PTPRQ: variants seen among roughly 807,000 people sequenced by gnomAD.
PTPRQ encodes protein tyrosine phosphatase receptor type Q.
Under a neutral mutation model 246.0 loss-of-function variants are expected in PTPRQ, and 199 were observed. The ratio of observed to expected loss-of-function variants is 0.81; its 90% CI spans 0.72 to 0.91. The LOEUF (loss-of-function observed/expected upper bound fraction) is 0.91. Ranked by LOEUF, PTPRQ falls within the 40% of genes least tolerant of loss-of-function variation. The pLI is 0.00. For synonymous variants in PTPRQ, 869 were observed against 853.2 expected, an observed-to-expected ratio of 1.02 and a Z score of -0.32; for missense variants, 2,624 against 2,528.4, an observed-to-expected ratio of 1.04 and a Z score of -0.81.
At chr12:80,507,381 T>C (rs1415367695) in intron 16 of PTPRQ, among the ~76,000 whole-genome samples, 3 of 152,020 alleles carry the variant, frequency 2.0e-5, no homozygotes, top group Non-Finnish European at 4.4e-5. Flanking sequence ...AAGGAATTCC[T>C]ATTTCCAAGA....
At chr12:80,604,502 A>C (rs541282127) in intron 26 of PTPRQ, among the ~76,000 whole-genome samples, 89 of 151,788 alleles carry the variant, frequency 5.9e-4, no homozygotes, top group African/African-American at 2.1e-3. Context: ...GAATTCAAGA[A>C]ATATTTGAAG....
chr12:80,492,210 C>T (rs560523658), intron 9 of PTPRQ, among the ~76,000 whole-genome samples: 129 of 151,976 alleles, frequency 8.5e-4, no homozygotes, highest in African/African-American at 2.9e-3. Flanking sequence ...AAATAAATTC[C>T]AGACTTAACA....
chr12:80,620,300 G>A lies in PTPRQ; in HGVS notation c.5536G>A (p.Ala1846Thr). ...CAATGAAGAAATCTACATCATAGGT[G>A]CTGATAATGCATGCATGATTCCTGG... Reference protein sequence around the residue: ...SGNEEIYIIGADNACMIPGNE... With the variant: ...SGNEEIYIIGTDNACMIPGNE... Residue 1846 changes from alanine to threonine, a missense_variant, in exon 32 of 45, where the codon GCT (alanine) becomes ACT (threonine). Coordinates refer to ENST00000644991, the MANE Select transcript of PTPRQ (RefSeq NM_001145026.2). 1 of 1,549,524 alleles carries A rather than the reference G, an allele frequency of 6.5e-7. No homozygotes were observed. Among genetic ancestry groups the A allele is most frequent in the South Asian group, 1.2e-5 (1 of 84,004 alleles).
intron 24 of PTPRQ, among the ~76,000 whole-genome samples, chr12:80,548,131 T>C (rs898628600): frequency 2.0e-5 from 3 of 152,128 alleles, no homozygotes; most frequent in Admixed American, 1.3e-4. Context: ...AAGTGCTCTG[T>C]AAACCCATAA....
chr12:80,458,505 G>T (rs1037029402), intron 4 of PTPRQ, among the ~76,000 whole-genome samples: 7 of 151,478 alleles, frequency 4.6e-5, no homozygotes, highest in African/African-American at 1.7e-4. Context: ...TAGTTATTTG[G>T]CATCTTAATA....
chr12:80,588,113 T>C lies in PTPRQ; in HGVS notation c.4286-16T>C, dbSNP rs1273958198. On this transcript the variant is annotated splice_polypyrimidine_tract_variant and intron_variant, in intron 25 of 44. Coordinates refer to ENST00000644991, the MANE Select transcript of PTPRQ (RefSeq NM_001145026.2). ...GGTAATTGTAACTGCTTTTAATTTT[T>C]CCCTTTAATTTTTAGTTCCCAGTGT... 18 of 1,498,332 alleles carry C rather than the reference T, an allele frequency of 1.2e-5. No individual in the cohort carries two copies. The East Asian group carries it at 4.2e-4, about 35-fold the overall frequency. 92.8% of individuals were successfully genotyped at this position (1,498,332 alleles called of 1,614,324 possible). A position where few individuals can be genotyped will look rare whatever the true frequency, so the allele number is the denominator to read the frequency against.
intron 25 of PTPRQ, among the ~76,000 whole-genome samples, chr12:80,554,806 T>C (rs998769008): frequency 5.9e-5 from 9 of 152,112 alleles, no homozygotes; most frequent in African/African-American, 1.4e-4. Flanking sequence ...GCAGTGGCTT[T>C]ATCTCAGCTC....
chr12:80,632,851 T>C (rs1297186240), intron 34 of PTPRQ, among the ~76,000 whole-genome samples: 1 of 152,142 alleles, frequency 6.6e-6, no homozygotes, highest in Non-Finnish European at 1.5e-5. Flanking sequence ...ATCCCATTCT[T>C]GCTGAATGGT....
intron 23 of PTPRQ, among the ~76,000 whole-genome samples, chr12:80,545,221 C>T (rs1191519016): frequency 2.0e-5 from 3 of 152,008 alleles, no homozygotes; most frequent in African/African-American, 7.2e-5. Flanking sequence ...AGGGACCATG[C>T]CTTACATGTG....
chr12:80,444,932 A>C, intron 2 of PTPRQ, 83 bp downstream of exon 2: 1 of 1,365,800 alleles, frequency 7.3e-7, no homozygotes, highest in South Asian at 1.3e-5. Context: ...TTATACTGGC[A>C]ACATGTACAT....
Position 80,619,552 on chromosome 12 carries a change from CAT to C in PTPRQ, c.5389+11_5389+12del. 2 of 1,506,776 alleles carry C rather than the reference CAT, an allele frequency of 1.3e-6. No homozygotes were observed. The highest frequency in any genetic ancestry group is 1.8e-6 in the Non-Finnish European group (2 of 1,122,296). The allele number at this position is 1,506,776 out of a possible 1,614,324, so 93.3% of individuals were successfully genotyped here. ...GTGACAGAAACAGGAGGTATCATCACATGTCAATTTATCTTGTTAAATTGTGG... is the reference window on the plus strand; with the variant it reads ...GTGACAGAAACAGGAGGTATCATCACGTCAATTTATCTTGTTAAATTGTGG... On this transcript the variant is annotated intron_variant, in intron 31 of 44. Coordinates refer to ENST00000644991, the MANE Select transcript of PTPRQ (RefSeq NM_001145026.2).
chr12:80,621,292 A>G (rs1328688697), intron 32 of PTPRQ, among the ~76,000 whole-genome samples: 2 of 151,966 alleles, frequency 1.3e-5, no homozygotes, highest in African/African-American at 4.8e-5. Flanking sequence ...ACCAAGTATC[A>G]TGTTTATTCA....
chr12:80,571,021 GC>G (rs1169097578), intron 25 of PTPRQ, among the ~76,000 whole-genome samples: 3 of 152,184 alleles, frequency 2.0e-5, no homozygotes, highest in Non-Finnish European at 2.9e-5. Context: ...GTACCATGAT[GC>G]CTCCAGCTTT....
intron 6 of PTPRQ, among the ~76,000 whole-genome samples, chr12:80,466,077 C>A (rs1396401981): frequency 1.3e-5 from 2 of 152,152 alleles, no homozygotes; most frequent in African/African-American, 4.8e-5. Context: ...TCCCTGTTTG[C>A]AGACGACATG....
At chr12:80,491,983 T>A (rs1298226409) in intron 9 of PTPRQ, among the ~76,000 whole-genome samples, 3 of 151,576 alleles carry the variant, frequency 2.0e-5, no homozygotes, top group Admixed American at 2.0e-4. Flanking sequence ...AGAATTTTTT[T>A]AAAAAAAGGG....
rs542485573 is a variant in PTPRQ at position 80,472,092 on chromosome 12, C to A, written c.1040-13C>A. 2.6e-6 allele frequency: 4 copies of A among 1,550,774 alleles called. No individual in the cohort carries two copies. In the South Asian group the frequency reaches 3.6e-5, roughly 14 times the overall value. ...ATAAAAAATAATCCATAGCTATCTT[C>A]CACTTTTTGCAGGTCGCATTTTGGA... On this transcript the variant is annotated splice_polypyrimidine_tract_variant and intron_variant, in intron 7 of 44. Coordinates refer to ENST00000644991, the MANE Select transcript of PTPRQ (RefSeq NM_001145026.2).
chr12:80,448,274 C>A (rs1892615513), intron 3 of PTPRQ, among the ~76,000 whole-genome samples: 1 of 151,910 alleles, frequency 6.6e-6, no homozygotes, highest in African/African-American at 2.4e-5. Context: ...TTTATCAAGT[C>A]TAGGATTATT....
intron 38 of PTPRQ, among the ~76,000 whole-genome samples, chr12:80,657,186 A>G (rs1291449729): frequency 2.6e-5 from 4 of 151,872 alleles, no homozygotes; most frequent in Non-Finnish European, 5.9e-5. Context: ...AATAAAAGTG[A>G]GAAAATGTGA....
At chr12:80,595,609 C>T (rs907017850) in intron 26 of PTPRQ, among the ~76,000 whole-genome samples, 2 of 151,770 alleles carry the variant, frequency 1.3e-5, no homozygotes, top group South Asian at 4.2e-4. Flanking sequence ...TACATGTGCA[C>T]AATGTGCAGG....
Sources: allele counts gnomAD v4.1 joint callset (sites outside exome capture counted in the v4.1 genomes callset), GRCh38; gene constraint gnomAD v4.1.1; transcripts MANE v1.5; gene names NCBI Gene and HGNC (gene_info 2026-07-23, HGNC 2026-07-21).